The following KDM4A variants were observed in gnomAD, a reference collection of about 807,000 sequenced individuals.
KDM4A encodes lysine-specific demethylase 4A.
In KDM4A, 23 loss-of-function variants were observed where a neutral mutation model predicts 127.1. The ratio of observed to expected loss-of-function variants is 0.18; its 90% confidence interval spans 0.13 to 0.26. The LOEUF (loss-of-function observed/expected upper bound fraction) is 0.26. Ranked by LOEUF, KDM4A falls within the 10% of genes least tolerant of loss-of-function variation. The pLI is 1.00. For synonymous variants in KDM4A, 443 were observed against 466.5 expected, an observed-to-expected ratio of 0.95 and a Z score of 0.65; for missense variants, 890 against 1,329.1, an observed-to-expected ratio of 0.67 and a Z score of 5.14.
At chr1:43,676,294 A>G (rs1660739806) in intron 11 of KDM4A, among the ~76,000 whole-genome samples, 1 of 152,092 alleles carries the variant, frequency 6.6e-6, no homozygotes, top group Non-Finnish European at 1.5e-5. Context: ...TATCTTAGAA[A>G]GATGCAGAGC....
At chr1:43,674,323 G>A (rs1660691733) in intron 11 of KDM4A, among the ~76,000 whole-genome samples, 2 of 152,106 alleles carry the variant, frequency 1.3e-5, no homozygotes, top group South Asian at 2.1e-4. Flanking sequence ...ACAGAGTCAA[G>A]TTTTTGTGGG....
intron 11 of KDM4A, among the ~76,000 whole-genome samples, chr1:43,682,050 C>T (rs971328579): frequency 1.3e-5 from 2 of 152,154 alleles, no homozygotes; most frequent in East Asian, 1.9e-4. Flanking sequence ...CTCACTGCAG[C>T]CTTGACCTTC....
chr1:43,692,389 G>A, intron 16 of KDM4A, 78 bp downstream of exon 16: 3 of 1,234,398 alleles, frequency 2.4e-6, no homozygotes, highest in Non-Finnish European at 3.5e-6. Context: ...GGTACTAGCT[G>A]TTCTTCTGAA....
intron 11 of KDM4A, among the ~76,000 whole-genome samples, 172 bp downstream of exon 11, chr1:43,672,047 CCTGG>C (rs1660631746): frequency 6.6e-6 from 1 of 152,182 alleles, no homozygotes; most frequent in African/African-American, 2.4e-5. Context: ...CAAACAAAAG[CCTGG>C]GGTGGCATTC....
intron 3 of KDM4A, 58 bp downstream of exon 3, chr1:43,655,824 C>G: frequency 7.0e-7 from 1 of 1,420,744 alleles, no homozygotes; most frequent in Non-Finnish European, 9.6e-7. Context: ...GTCTCATCCT[C>G]CTAGCATCTC....
chr1:43,696,742 T>C (rs1661248927), intron 18 of KDM4A, among the ~76,000 whole-genome samples: 1 of 152,246 alleles, frequency 6.6e-6, no homozygotes, highest in South Asian at 2.1e-4. Context: ...GTGATAATCA[T>C]TAATACTCCA....
intron 10 of KDM4A, among the ~76,000 whole-genome samples, chr1:43,670,944 A>G (rs535790603): frequency 6.6e-6 from 1 of 152,226 alleles, no homozygotes; most frequent in Admixed American, 6.5e-5. Context: ...GGCTCCAGCA[A>G]TCCTCCCATC....
chr1:43,694,151 G>A lies in KDM4A; in HGVS notation c.2484+49G>A. On this transcript the variant is annotated intron_variant, in intron 17 of 21. Coordinates refer to ENST00000372396, the MANE Select transcript of KDM4A (RefSeq NM_014663.3). This position sits in a 1 kb window ranked among gnomAD's most constrained non-coding sequence, Gnocchi z 5.2. The stretch of plus-strand genomic sequence containing the variant: ...AATTTCCCGACTTACAAGTTTCTGG[G>A]TAGAAGAGAACAGGGACCTCCTGTA... 1 of 1,478,620 alleles carries A rather than the reference G, an allele frequency of 6.8e-7. No homozygotes were observed. Among genetic ancestry groups the A allele is most frequent in the Non-Finnish European group, 9.4e-7 (1 of 1,065,596 alleles). The allele number at this position is 1,478,620 out of a possible 1,614,324, so 91.6% of individuals were successfully genotyped here. A position where few individuals can be genotyped will look rare whatever the true frequency, so the allele number is the denominator to read the frequency against.
At chr1:43,685,639 G>A (rs1216138145) in intron 12 of KDM4A, among the ~76,000 whole-genome samples, 2 of 152,168 alleles carry the variant, frequency 1.3e-5, no homozygotes, top group Admixed American at 6.5e-5. Context: ...ATGGTGGTGA[G>A]CGCCTGTAGT....
chr1:43,665,666 C>A lies in KDM4A; in HGVS notation c.624-30C>A, dbSNP rs201847175. 6 of 1,612,780 alleles carry A rather than the reference C, an allele frequency of 3.7e-6. No homozygotes were observed. In the East Asian group the frequency reaches 1.1e-4, roughly 30 times the overall value. On this transcript the variant is annotated intron_variant, in intron 5 of 21. Coordinates refer to ENST00000372396, the MANE Select transcript of KDM4A (RefSeq NM_014663.3). The stretch of plus-strand genomic sequence containing the variant: ...CTTAGCTTCTGTACCTGCCCTCCAC[C>A]CAGCCTCTGATGCTCTCATGTGATT...
At chr1:43,682,726 G>A (rs1660886143) in intron 11 of KDM4A, among the ~76,000 whole-genome samples, 1 of 152,180 alleles carries the variant, frequency 6.6e-6, no homozygotes, top group Non-Finnish European at 1.5e-5. Flanking sequence ...GTTTTCTCTT[G>A]GCATTCCAAC....
intron 11 of KDM4A, among the ~76,000 whole-genome samples, chr1:43,679,680 AT>A (rs1332100589): frequency 1.6e-4 from 25 of 152,322 alleles, no homozygotes; most frequent in Admixed American, 1.6e-3. Flanking sequence ...TAGAGTTTTC[AT>A]TACCTACTGA....
chr1:43,656,329 GTTTTTTTTT>G (rs11438925), intron 3 of KDM4A, among the ~76,000 whole-genome samples: 2 of 54,152 alleles, frequency 3.7e-5, no homozygotes, highest in African/African-American at 8.1e-5. Flanking sequence ...TCTGCTGTTG[GTTTTTTTTT>G]TTTTTTTTTT....
intron 3 of KDM4A, among the ~76,000 whole-genome samples, chr1:43,656,010 C>A (rs892261518): frequency 2.0e-5 from 3 of 152,184 alleles, no homozygotes; most frequent in Non-Finnish European, 4.4e-5. Flanking sequence ...GAAGTAGAAT[C>A]ATTTTCTGAC....
At chr1:43,687,629 A>G (rs1032352614) in intron 12 of KDM4A, among the ~76,000 whole-genome samples, 3 of 152,228 alleles carry the variant, frequency 2.0e-5, no homozygotes, top group Admixed American at 1.3e-4. Context: ...GACATCTACC[A>G]AAGACTGCGC....
At chr1:43,662,617 GA>G (rs1267897841) in intron 4 of KDM4A, among the ~76,000 whole-genome samples, 4 of 152,078 alleles carry the variant, frequency 2.6e-5, no homozygotes, top group African/African-American at 7.2e-5. Context: ...AAAAACAAAC[GA>G]AAAAACAAAC....
At chr1:43,662,446 A>G (rs1660405668) in intron 4 of KDM4A, among the ~76,000 whole-genome samples, 1 of 152,022 alleles carries the variant, frequency 6.6e-6, no homozygotes, top group South Asian at 2.1e-4. Context: ...CGGCTCTACT[A>G]AAAATAGAAA....
intron 10 of KDM4A, among the ~76,000 whole-genome samples, chr1:43,670,289 A>G (rs1660588818): frequency 6.6e-6 from 1 of 152,280 alleles, no homozygotes; most frequent in South Asian, 2.1e-4. Context: ...CTGTGGACTG[A>G]CACCCTGGGC....
chr1:43,701,846 A>G (rs1453112643), intron 19 of KDM4A, among the ~76,000 whole-genome samples: 3 of 152,224 alleles, frequency 2.0e-5, no homozygotes, highest in African/African-American at 7.2e-5. Flanking sequence ...TGTAATTCAC[A>G]ACTCAAACAA....
Sources: gnomAD v4.1 joint callset for allele counts (sites outside exome capture counted in the v4.1 genomes callset) on GRCh38, gnomAD v4.1.1 for gene constraint, Gnocchi (gnomAD v3.1) non-coding constraint, MANE v1.5 for transcripts, NCBI Gene and HGNC (gene_info 2026-07-23, HGNC 2026-07-21) for gene names.